PCTP: variants seen among roughly 807,000 people sequenced by gnomAD.
The protein encoded by PCTP is phosphatidylcholine transfer protein, also known as START domain-containing protein 2.
PCTP carries 27 observed loss-of-function variants against 31.0 expected under a neutral mutation model. The ratio of observed to expected loss-of-function variants is 0.87; its 90% confidence interval spans 0.64 to 1.20. The LOEUF is 1.20. Among genes scored for constraint, PCTP ranks in the 50% most tolerant of loss-of-function variants. The pLI is 0.00. For missense variants in PCTP, 287 were observed against 268.2 expected, an observed-to-expected ratio of 1.07 and a Z score of -0.49; for synonymous variants, 108 against 101.2, an observed-to-expected ratio of 1.07 and a Z score of -0.40.
chr17:55,802,943 T>G (rs749881371), intron 3 of PCTP, among the ~76,000 whole-genome samples: 3 of 152,178 alleles, frequency 2.0e-5, no homozygotes, highest in South Asian at 2.1e-4. Context: ...ATAGCATGAT[T>G]GTATATTAAG....
intron 5 of PCTP, among the ~76,000 whole-genome samples, chr17:55,839,919 CAAAAA>C (rs57402824): frequency 5.6e-4 from 7 of 12,502 alleles, no homozygotes; most frequent in Admixed American, 1.0e-3. Flanking sequence ...GACTCAGTCT[CAAAAA>C]AAAAAAAAAA....
chr17:55,787,109 G>C (rs926511534), intron 2 of PCTP, among the ~76,000 whole-genome samples: 1 of 151,698 alleles, frequency 6.6e-6, no homozygotes, highest in African/African-American at 2.4e-5. Context: ...CCCAGAGGTA[G>C]ACTACCTCCG....
chr17:55,827,956 T>C (rs1905457678), downstream of PCTP, among the ~76,000 whole-genome samples: 1 of 152,122 alleles, frequency 6.6e-6, no homozygotes, highest in Non-Finnish European at 1.5e-5. Context: ...GATGGAGTAG[T>C]TTTTGATAGA....
chr17:55,823,611 C>G (rs1053102131), downstream of PCTP, among the ~76,000 whole-genome samples: 25 of 152,182 alleles, frequency 1.6e-4, no homozygotes, highest in African/African-American at 6.0e-4. Context: ...GTTTTCACTT[C>G]AAGGCAAAAC....
intron 3 of PCTP, among the ~76,000 whole-genome samples, chr17:55,798,723 A>C (rs2145020123): frequency 6.6e-6 from 1 of 152,062 alleles, no homozygotes; most frequent in South Asian, 2.1e-4. Flanking sequence ...TAGTACATAA[A>C]ATACTAAAAG....
chr17:55,828,948 C>T (rs28439965), intron 5 of PCTP, among the ~76,000 whole-genome samples: 15 of 152,012 alleles, frequency 9.9e-5, no homozygotes, highest in Non-Finnish European at 1.5e-4. Flanking sequence ...TCTTCCCAGT[C>T]CCCCCTACAT....
chr17:55,831,680 A>G (rs560250451), intron 5 of PCTP, among the ~76,000 whole-genome samples: 1 of 152,318 alleles, frequency 6.6e-6, no homozygotes, highest in African/African-American at 2.4e-5. Context: ...TCCAACGTCA[A>G]GTTTACTACC....
At chr17:55,811,581 G>C (rs1912752110) in intron 3 of PCTP, among the ~76,000 whole-genome samples, 1 of 152,208 alleles carries the variant, frequency 6.6e-6, no homozygotes, top group Non-Finnish European at 1.5e-5. Context: ...GCACCTGGCT[G>C]GAGAGCATTG....
At chr17:55,781,913 TTGTG>T (rs34261304), downstream of PCTP, among the ~76,000 whole-genome samples, 1 of 149,448 alleles carries the variant, frequency 6.7e-6, no homozygotes, top group Admixed American at 6.7e-5. Flanking sequence ...CAGCACCTGA[TTGTG>T]TGTGTGTGTG....
chr17:55,852,203 C>T, the PCTP span, among the ~76,000 whole-genome samples: 3 of 152,100 alleles, frequency 2.0e-5, no homozygotes, highest in African/African-American at 7.2e-5. Context: ...AATTCAAGTG[C>T]AATGGAATTT....
chr17:55,775,351 C>A, intron 5 of PCTP: 1 of 1,232,464 alleles, frequency 8.1e-7, no homozygotes, highest in Non-Finnish European at 1.0e-6. Flanking sequence ...TAGAGACTGC[C>A]CAGGAGCCTG....
downstream of PCTP, among the ~76,000 whole-genome samples, chr17:55,778,997 A>G (rs1911464625): frequency 6.6e-6 from 1 of 152,104 alleles, no homozygotes; most frequent in African/African-American, 2.4e-5. Flanking sequence ...ATCCCCATCT[A>G]TAATGCCTGC....
chr17:55,806,368 G>T (rs80171567), intron 3 of PCTP, among the ~76,000 whole-genome samples: 1 of 152,112 alleles, frequency 6.6e-6, no homozygotes, highest in Non-Finnish European at 1.5e-5. Context: ...GTACCATTAC[G>T]TTGGTGGCTT....
chr17:55,754,356 C>T (rs1002683105), intron 1 of PCTP, among the ~76,000 whole-genome samples: 6 of 152,180 alleles, frequency 3.9e-5, no homozygotes, highest in Non-Finnish European at 7.3e-5. Context: ...CTCAGGGAAA[C>T]ACTTGCTTTC....
chr17:55,846,526 A>C (rs929363196), downstream of PCTP, among the ~76,000 whole-genome samples: 1 of 152,184 alleles, frequency 6.6e-6, no homozygotes, highest in African/African-American at 2.4e-5. Flanking sequence ...GGGAAAGGGG[A>C]AATGATCTTC....
chr17:55,801,159 GC>G (rs1251715199), intron 3 of PCTP, among the ~76,000 whole-genome samples: 1 of 152,086 alleles, frequency 6.6e-6, no homozygotes, highest in African/African-American at 2.4e-5. Context: ...AACAAGAAGA[GC>G]TAACTAACCT....
At chr17:55,823,529 C>T (rs1905300520), downstream of PCTP, among the ~76,000 whole-genome samples, 1 of 152,124 alleles carries the variant, frequency 6.6e-6, no homozygotes, top group South Asian at 2.1e-4. Context: ...TTTTTTTATT[C>T]ACTGAAGAAG....
downstream of PCTP, among the ~76,000 whole-genome samples, chr17:55,780,151 G>A (rs1911510644): frequency 6.6e-6 from 1 of 150,746 alleles, no homozygotes; most frequent in South Asian, 2.1e-4. Context: ...TTAGGTTGCA[G>A]AGTTTAGAAC....
intron 3 of PCTP, among the ~76,000 whole-genome samples, chr17:55,788,460 C>T (rs967031526): frequency 2.0e-5 from 3 of 152,132 alleles, no homozygotes; most frequent in Non-Finnish European, 4.4e-5. Context: ...ATTTACTCAA[C>T]AAAGATTTAT....
Sources: allele counts gnomAD v4.1 joint callset (sites outside exome capture counted in the v4.1 genomes callset), GRCh38; gene constraint gnomAD v4.1.1; transcripts MANE v1.5; gene names NCBI Gene and HGNC (gene_info 2026-07-23, HGNC 2026-07-21).